The following SFPQ variants were observed in gnomAD, a reference collection of about 807,000 sequenced individuals.
SFPQ encodes splicing factor, proline- and glutamine-rich.
In SFPQ, 11 loss-of-function variants were observed where a neutral mutation model predicts 72.9. The ratio of observed to expected loss-of-function variants is 0.15; its 90% confidence interval spans 0.09 to 0.25. SFPQ has a LOEUF of 0.25. Among genes scored for constraint, SFPQ ranks in the 10% least tolerant of loss-of-function variants. SFPQ has a pLI of 1.00. For missense variants in SFPQ, 847 were observed against 993.3 expected, an observed-to-expected ratio of 0.85 and a Z score of 1.98; for synonymous variants, 506 against 367.3, an observed-to-expected ratio of 1.38 and a Z score of -4.32.
chr1:35,185,481 T>C (rs959629910), intron 9 of SFPQ, among the ~76,000 whole-genome samples: 7 of 152,216 alleles, frequency 4.6e-5, no homozygotes, highest in African/African-American at 1.7e-4. Context: ...GACTTCACTA[T>C]TCCCATCTAG....
At chr1:35,185,287 A>G (rs1639651417) in intron 9 of SFPQ, among the ~76,000 whole-genome samples, 1 of 152,206 alleles carries the variant, frequency 6.6e-6, no homozygotes, top group Non-Finnish European at 1.5e-5. Context: ...AACCAGAGAC[A>G]ATTACGTTCT....
rs1640089678 is a variant in SFPQ at position 35,192,692 on chromosome 1, C to T, written c.358G>A (p.Gly120Arg). 3.5e-6 allele frequency: 5 copies of T among 1,438,134 alleles called. No individual in the cohort carries two copies. The highest frequency in any genetic ancestry group is 2.7e-5 in the Admixed American group (1 of 36,598). 89.1% of individuals were successfully genotyped at this position (1,438,134 alleles called of 1,614,324 possible). Residue 120 changes from glycine to arginine, a missense_variant, in exon 1 of 10, where the codon GGA becomes AGA. Gly to Arg is a moderately radical substitution (Grantham distance 125). Coordinates refer to ENST00000357214, the MANE Select transcript of SFPQ (RefSeq NM_005066.3). ...GAGGCTGGTGGTGCGCTGCCTACTC[C>T]GGGAGCGGGGCCGGGTCCCTGAGCA... Reference protein sequence around the residue: ...VVAQGPGPAPGVGSAPPASSS... With the variant: ...VVAQGPGPAPRVGSAPPASSS...
chr1:35,187,087 G>A lies in SFPQ; in HGVS notation c.1900C>T (p.Leu634=), dbSNP rs1196212099. 6.2e-7 allele frequency: 1 copy of A among 1,613,950 alleles called. No individual in the cohort carries two copies. Residue 634 remains leucine, a synonymous_variant, in exon 9 of 10, where the codon CTA becomes TTA. Coordinates refer to ENST00000357214, the MANE Select transcript of SFPQ (RefSeq NM_005066.3). ...YGSGGQKFPP[L]GGGGGIGYEA... ...TAACCTATGCCACCACCACCTCCTA[G>A]AGGTGGAAATTTCTGGCCTCCTGAA...
In SFPQ at chr1:35,184,121, T is replaced by A; in HGVS notation, c.*335A>T. 8.8e-7 allele frequency: 1 copy of A among 1,134,678 alleles called. No individual in the cohort carries two copies. Among genetic ancestry groups the A allele is most frequent in the Non-Finnish European group, 1.1e-6 (1 of 924,794 alleles). 70.3% of individuals were successfully genotyped at this position (1,134,678 alleles called of 1,614,324 possible). A position where few individuals can be genotyped will look rare whatever the true frequency, so the allele number is the denominator to read the frequency against. On this transcript the variant is annotated 3_prime_UTR_variant, in exon 10 of 10. Transcript: ENST00000357214. ...GAATGGCAAAGTTGAAGATCAATAT[T>A]ATAACTATTTTTCTATTTATTTGAA...
chr1:35,181,562 T>C, downstream of SFPQ: 2 of 1,062,098 alleles, frequency 1.9e-6, no homozygotes, highest in East Asian at 5.1e-5. Flanking sequence ...GGGCTATGCT[T>C]ATAAAATACC....
At chr1:35,188,598 G>GT (rs1261068686) in intron 6 of SFPQ, among the ~76,000 whole-genome samples, 5 of 152,196 alleles carry the variant, frequency 3.3e-5, no homozygotes, top group African/African-American at 1.2e-4. Flanking sequence ...GAGCTGAGGA[G>GT]TTTGAGACTG....
chr1:35,191,084 C>T, intron 2 of SFPQ, 89 bp from the exon 3 acceptor site: 1 of 1,176,504 alleles, frequency 8.5e-7, no homozygotes. Flanking sequence ...TACTCCCTTT[C>T]TTCCTTCAGC....
intron 1 of SFPQ, among the ~76,000 whole-genome samples, chr1:35,191,962 T>G (rs1266047043): frequency 6.6e-6 from 1 of 152,164 alleles, no homozygotes; most frequent in African/African-American, 2.4e-5. Flanking sequence ...GGATACCTTC[T>G]GCAGGGCCGA....
At chr1:35,191,917 G>A (rs1351483726) in intron 1 of SFPQ, among the ~76,000 whole-genome samples, 2 of 152,168 alleles carry the variant, frequency 1.3e-5, no homozygotes, top group East Asian at 1.9e-4. Context: ...CCAAACCTAC[G>A]CCGCATGCTC....
Position 35,183,911 on chromosome 1 carries a change from G to A in SFPQ, c.*545C>T. 1 of 1,051,052 alleles carries A rather than the reference G, an allele frequency of 9.5e-7. No individual in the cohort carries two copies. The highest frequency in any genetic ancestry group is 1.1e-6 in the Non-Finnish European group (1 of 870,206). The allele number at this position is 1,051,052 out of a possible 1,614,324, so 65.1% of individuals were successfully genotyped here. Reference sequence around the variant, plus strand: ...CTTAGCACCAGCGTGCTTCCTATATGCCAAACAAATCATCAAACTACTTCA... The same window carrying A: ...CTTAGCACCAGCGTGCTTCCTATATACCAAACAAATCATCAAACTACTTCA... On this transcript the variant is annotated 3_prime_UTR_variant, in exon 10 of 10. Transcript: ENST00000357214.
At chr1:35,191,784 G>A (rs974100707) in intron 1 of SFPQ, among the ~76,000 whole-genome samples, 33 of 152,112 alleles carry the variant, frequency 2.2e-4, no homozygotes, top group Non-Finnish European at 4.4e-4. Context: ...ACCCACATAT[G>A]TTGAGTGTCC....
rs538784657 is a variant in SFPQ, at chr1:35,176,636, A to G, written c.*106-165T>C. On this transcript the variant is annotated intron_variant and NMD_transcript_variant, in intron 5 of 5. Coordinates refer to the SFPQ transcript ENST00000460428. ...TGCAATCCCAGCACTTTGGGAGGCC[A>G]AGGAGGGCGGATCACAGGGTCAGGA... Among the ~76,000 whole-genome samples, 7 of 152,074 alleles carry G rather than the reference A, an allele frequency of 4.6e-5. No individual in the cohort carries two copies. The East Asian group carries it at 1.4e-3, about 29-fold the overall frequency.
Position 35,192,252 on chromosome 1 carries a change from G to A in SFPQ, c.798C>T (p.Gly266=). 6.8e-7 allele frequency: 1 copy of A among 1,463,024 alleles called. No individual in the cohort carries two copies. Among genetic ancestry groups the A allele is most frequent in the South Asian group, 1.3e-5 (1 of 76,896 alleles). 90.6% of individuals were successfully genotyped at this position (1,463,024 alleles called of 1,614,324 possible). ...AGTCCGAGATCTTCTCCTCGCTGCG[G>A]CCGCCGGGCCCGCCGGGCGGGGGCC... ...HQGPPPGGPG[G]RSEEKISDSE... Residue 266 remains glycine (G), a synonymous_variant, in exon 1 of 10, where the codon GGC becomes GGT. Coordinates refer to ENST00000357214, the MANE Select transcript of SFPQ (RefSeq NM_005066.3).
rs910337107 is a variant in SFPQ, at chr1:35,192,297, G to A, written c.753C>T (p.Tyr251=). The change falls in exon 1 of 10, where the codon TAC becomes TAT. Residue 251 remains tyrosine, a synonymous_variant. Coordinates refer to ENST00000357214, the MANE Select transcript of SFPQ (RefSeq NM_005066.3). The stretch of plus-strand genomic sequence containing the variant: ...GGGGCCCCTGGTGATGCTGCTGGTG[G>A]TAGGGCGGGTGGTGCTGGCGGCCCC... The part of the protein sequence containing the change: ...PRGGRQHHPP[Y]HQQHHQGPPP... 2.7e-6 allele frequency: 4 copies of A among 1,458,688 alleles called. No individual in the cohort carries two copies. The highest frequency in any genetic ancestry group is 3.6e-6 in the Non-Finnish European group (4 of 1,114,228). The allele number at this position is 1,458,688 out of a possible 1,614,324, so 90.4% of individuals were successfully genotyped here.
At chr1:35,187,349 T>TA in intron 7 of SFPQ, 98 bp from the exon 8 acceptor site, 2 of 1,117,908 alleles carry the variant, frequency 1.8e-6, no homozygotes, top group Middle Eastern at 2.0e-4. Flanking sequence ...AAAAACATGG[T>TA]AAAGTTCAAA....
At chr1:35,192,076 C>T in intron 1 of SFPQ, 146 bp downstream of exon 1, 1 of 539,582 alleles carries the variant, frequency 1.9e-6, no homozygotes, top group Middle Eastern at 5.7e-4. Flanking sequence ...GACCGACGGC[C>T]CCGCAGGCCG....
chr1:35,183,828 AATAC>A lies in SFPQ; in HGVS notation c.*624_*627del. 9.5e-7 allele frequency: 1 copy of A among 1,055,992 alleles called. No homozygotes were observed. The highest frequency in any genetic ancestry group is 1.1e-6 in the Non-Finnish European group (1 of 873,296). The allele number at this position is 1,055,992 out of a possible 1,614,324, so 65.4% of individuals were successfully genotyped here. On this transcript the variant is annotated 3_prime_UTR_variant, in exon 10 of 10. Transcript: ENST00000357214. ...TGTCTTACACCCATTCCACAATCTT[AATAC>A]ATATTCCTGAAGATTTACAGTTCAG...
At chr1:35,189,803 A>G (rs1639905937) in intron 4 of SFPQ, among the ~76,000 whole-genome samples, 1 of 152,132 alleles carries the variant, frequency 6.6e-6, no homozygotes, top group Non-Finnish European at 1.5e-5. Flanking sequence ...ACAAAAAATT[A>G]GCTGGGCATG....
At chr1:35,180,781 G>T (rs567029768), downstream of SFPQ, 120 of 1,062,342 alleles carry the variant, frequency 1.1e-4, no homozygotes, top group African/African-American at 1.8e-3. Flanking sequence ...TCCATGTCAA[G>T]GTGCTAAAAG....
Sources: gnomAD v4.1 joint callset for allele counts (sites outside exome capture counted in the v4.1 genomes callset) on GRCh38, gnomAD v4.1.1 for gene constraint, MANE v1.5 for transcripts, NCBI Gene and HGNC (gene_info 2026-07-23, HGNC 2026-07-21) for gene names.